AIPL1: variants seen among roughly 807,000 people sequenced by gnomAD.
The protein encoded by AIPL1 is aryl-hydrocarbon-interacting protein-like 1.
Under a neutral mutation model 32.9 loss-of-function variants are expected in AIPL1, and 23 were observed. That is an observed-to-expected ratio of 0.70 (90% confidence interval 0.50 to 0.99). The LOEUF (loss-of-function observed/expected upper bound fraction) is 0.99. AIPL1 is among the 50% of genes least tolerant of loss of function. AIPL1 has a pLI of 0.00. For synonymous variants in AIPL1, 210 were observed against 209.4 expected, an observed-to-expected ratio of 1.00 and a Z score of -0.02; for missense variants, 485 against 506.0, an observed-to-expected ratio of 0.96 and a Z score of 0.40.
At chr17:6,431,170 A>T (rs923499721) in intron 2 of AIPL1, among the ~76,000 whole-genome samples, 3 of 152,118 alleles carry the variant, frequency 2.0e-5, no homozygotes, top group Non-Finnish European at 4.4e-5. Flanking sequence ...TCTAGGCTGG[A>T]CATGGTGGCT....
chr17:6,426,010 T>A, intron 5 of AIPL1, 180 bp from the exon 6 acceptor site: 1 of 1,018,754 alleles, frequency 9.8e-7, no homozygotes, highest in East Asian at 2.6e-5. Flanking sequence ...ATAATAGCAG[T>A]ACCTCCTCCT....
At chr17:6,426,489 G>T in intron 5 of AIPL1, 126 bp downstream of exon 5, 2 of 1,518,532 alleles carry the variant, frequency 1.3e-6, no homozygotes, top group Non-Finnish European at 1.8e-6. Flanking sequence ...GGGAAACCCG[G>T]CTGGGTGGAG....
intron 2 of AIPL1, among the ~76,000 whole-genome samples, chr17:6,433,334 T>C (rs937589427): frequency 2.0e-5 from 3 of 152,168 alleles, no homozygotes; most frequent in Non-Finnish European, 2.9e-5. Context: ...AGATGGCTCA[T>C]GCCTATAATT....
intron 3 of AIPL1, 75 bp from the exon 4 acceptor site, chr17:6,427,132 A>T: frequency 6.6e-7 from 1 of 1,516,566 alleles, no homozygotes; most frequent in Non-Finnish European, 9.1e-7. Flanking sequence ...GAAAAACAGG[A>T]CCCTGTGGCA....
chr17:6,427,821 T>C (rs1281449024), intron 3 of AIPL1, among the ~76,000 whole-genome samples: 19 of 150,022 alleles, frequency 1.3e-4, no homozygotes, highest in Admixed American at 7.2e-4. Context: ...TTTTTTTTTT[T>C]TTCTTTTTTT....
intron 2 of AIPL1, among the ~76,000 whole-genome samples, chr17:6,429,627 C>A (rs1177561922): frequency 6.6e-6 from 1 of 152,198 alleles, no homozygotes; most frequent in Non-Finnish European, 1.5e-5. Flanking sequence ...GGCCCCAAAG[C>A]ACACTGCCCT....
chr17:6,426,422 G>T, intron 5 of AIPL1, 193 bp downstream of exon 5: 1 of 1,443,306 alleles, frequency 6.9e-7, no homozygotes, highest in Non-Finnish European at 9.1e-7. Context: ...TTAAAATAAA[G>T]GGCCGCCCCG....
In AIPL1 at chr17:6,425,644, C is replaced by A. The variant is rs150427474; in HGVS notation, c.971G>T (p.Arg324Leu). The A allele has an allele frequency of 5.5e-3, 8,892 of 1,612,140 alleles. 21 individuals carry two copies. Among genetic ancestry groups the A allele is most frequent in the Non-Finnish European group, 6.8e-3 (8,053 of 1,179,896 alleles). The change falls in exon 6 of 6, where the codon CGG becomes CTG. Residue 324 changes from arginine (R) to leucine (L), a missense_variant. By Grantham distance (102) the Arg-to-Leu change is moderately radical. Coordinates refer to ENST00000381129, the MANE Select transcript of AIPL1 (RefSeq NM_014336.5). ...EKQEEERLRC[R>L]NMLSQGATQP... ...CGTGGCACCCTGGCTCAGCATGTTC[C>A]GGCAGCGCAGCCGCTCCTCCTCCTG...
At position 6,433,611 on chromosome 17, in the gene AIPL1, TCACACACACA is replaced by T. The variant is rs541117064; in HGVS notation, c.276+298_276+307del. ...ATCTCTCTCTCTCTCTCTCTCTCTC[TCACACACACA>T]CACACACACACACACACACACACAC... On this transcript the variant is annotated intron_variant, in intron 2 of 5. Coordinates refer to ENST00000381129, the MANE Select transcript of AIPL1 (RefSeq NM_014336.5). Among the ~76,000 whole-genome samples, 961 of 106,278 alleles carry T rather than the reference TCACACACACA, an allele frequency of 9.0e-3. 10 individuals are homozygous for T. Among genetic ancestry groups the T allele is most frequent in the African/African-American group, 0.014 (386 of 26,908 alleles). 69.7% of individuals were successfully genotyped at this position (106,278 alleles called of 152,430 possible). A position where few individuals can be genotyped will look rare whatever the true frequency, so the allele number is the denominator to read the frequency against.
chr17:6,429,184 C>T (rs1004417773), intron 2 of AIPL1, among the ~76,000 whole-genome samples: 6 of 152,322 alleles, frequency 3.9e-5, no homozygotes, highest in African/African-American at 1.4e-4. Context: ...TGAAGGAGGG[C>T]TGGGAAGATC....
Position 6,425,225 on chromosome 17 carries a change from TTAAAACCATGGCACGG to T in AIPL1, c.*219_*234del, listed in dbSNP as rs1282812592. 1 of 453,088 alleles carries T rather than the reference TTAAAACCATGGCACGG, an allele frequency of 2.2e-6. No individual in the cohort carries two copies. Among genetic ancestry groups the T allele is most frequent in the African/African-American group, 2.0e-5 (1 of 50,320 alleles). 28.1% of individuals were successfully genotyped at this position (453,088 alleles called of 1,614,324 possible). ...CCAGAAGAATTAAAAACAGGGTCAA[TTAAAACCATGGCACGG>T]AAGGAATGAGAGGGGTAGAGGAGAA... On this transcript the variant is annotated 3_prime_UTR_variant, in exon 6 of 6. Coordinates refer to ENST00000381129, the MANE Select transcript of AIPL1 (RefSeq NM_014336.5).
At position 6,426,646 on chromosome 17, in the gene AIPL1, C is replaced by T. The variant is rs772008170; in HGVS notation, c.753G>A (p.Glu251=). The change falls in exon 5 of 6, where the codon GAG becomes GAA. Residue 251 remains glutamate, a synonymous_variant. Transcript: ENST00000381129. The part of the protein sequence containing the change: ...LKKEEYYEVL[E]HTSDILRHHP... Reference sequence around the variant, plus strand: ...GGTGCCGGAGAATATCACTGGTGTGCTCCAGCACCTCATAGTACTCCTCCT... The same window carrying T: ...GGTGCCGGAGAATATCACTGGTGTGTTCCAGCACCTCATAGTACTCCTCCT... 6 of 1,614,064 alleles carry T rather than the reference C, an allele frequency of 3.7e-6. No individual in the cohort carries two copies. The highest frequency in any genetic ancestry group is 5.1e-6 in the Non-Finnish European group (6 of 1,180,040).
chr17:6,427,100 G>C, intron 3 of AIPL1, 43 bp from the exon 4 acceptor site: 1 of 1,606,212 alleles, frequency 6.2e-7, no homozygotes, highest in Non-Finnish European at 8.5e-7. Context: ...GACCCCAGGG[G>C]CCTGCACCCC....
rs1298708083 is a variant in AIPL1 at position 6,426,641 on chromosome 17, G to C, written c.758C>G (p.Thr253Ser). The change falls in exon 5 of 6, where the codon ACC becomes AGC. Residue 253 changes from threonine (T) to serine (S), a missense_variant. Coordinates refer to ENST00000381129, the MANE Select transcript of AIPL1 (RefSeq NM_014336.5). ...TGGGTGGTGCCGGAGAATATCACTG[G>C]TGTGCTCCAGCACCTCATAGTACTC... ...KEEYYEVLEH[T>S]SDILRHHPGI... 1 of 1,614,138 alleles carries C rather than the reference G, an allele frequency of 6.2e-7. No homozygotes were observed. Among genetic ancestry groups the C allele is most frequent in the Non-Finnish European group, 8.5e-7 (1 of 1,180,024 alleles).
In AIPL1 at chr17:6,426,961, G is replaced by A. The variant is rs146153236; in HGVS notation, c.562C>T (p.Leu188Phe). ...VPVLHGEGNRLFKLGRYEEAS... is the reference protein window; with the variant it reads ...VPVLHGEGNRFFKLGRYEEAS... ...TCCTCGTAGCGGCCCAGCTTGAAGA[G>A]CCGATTTCCCTCTCCGTGGAGGACG... Residue 188 changes from leucine to phenylalanine, a missense_variant, in exon 4 of 6, where the codon CTC (leucine) becomes TTC (phenylalanine). Leu to Phe is a conservative substitution (Grantham distance 22, BLOSUM62 0). Transcript: ENST00000381129. 82 of 1,614,092 alleles carry A rather than the reference G, an allele frequency of 5.1e-5. No homozygotes were observed. Among genetic ancestry groups the A allele is most frequent in the Non-Finnish European group, 6.7e-5 (79 of 1,180,048 alleles).
chr17:6,433,453 TGTG>T (rs887190598), intron 2 of AIPL1, among the ~76,000 whole-genome samples: 2 of 151,860 alleles, frequency 1.3e-5, no homozygotes, highest in African/African-American at 4.8e-5. Context: ...AAAAATGAGG[TGTG>T]GTGGTGCACC....
In AIPL1 at chr17:6,428,465, C is replaced by T. The variant is rs142208422; in HGVS notation, c.318G>A (p.Gln106=). 564 of 1,614,050 alleles carry T rather than the reference C, an allele frequency of 3.5e-4. 2 individuals carry two copies. In the African/African-American group the frequency reaches 6.9e-3, roughly 20 times the overall value. The change falls in exon 3 of 6, where the codon CAG becomes CAA. Residue 106 remains glutamine (Q), a synonymous_variant. Transcript: ENST00000381129. ...CTGTGGGGTCCTTGCCCTGGGCCAT[C>T]TGCCTCAGGCTCCGGGATAGGATGG... ...VYPILSRSLR[Q]MAQGKDPTEW...
At position 6,425,515 on chromosome 17, in the gene AIPL1, G is replaced by A. The variant is rs1911827159; in HGVS notation, c.1100C>T (p.Pro367Leu). Residue 367 changes from proline to leucine, a missense_variant, in exon 6 of 6, where the codon CCT (proline) becomes CTT (leucine). Pro to Leu is a moderately conservative substitution (Grantham distance 98). Transcript: ENST00000381129. ...APSAELSAGP[P>L]AEPATEPPPS... ...GGGTGGCTCTGTGGCTGGCTCTGCA[G>A]GGGGCCCTGCGGACAGCTCTGCAGA... is the stretch of plus-strand genomic sequence containing the variant. 1.2e-6 allele frequency: 2 copies of A among 1,610,428 alleles called. No individual in the cohort carries two copies. Among genetic ancestry groups the A allele is most frequent in the Non-Finnish European group, 1.7e-6 (2 of 1,179,426 alleles).
intron 5 of AIPL1, 88 bp from the exon 6 acceptor site, chr17:6,425,918 A>T: frequency 4.7e-6 from 7 of 1,501,626 alleles, no homozygotes; most frequent in South Asian, 1.2e-5. Context: ...AGCCTCCAAG[A>T]CCCTCAGCCC....
Sources: allele counts gnomAD v4.1 joint callset (sites outside exome capture counted in the v4.1 genomes callset), GRCh38; gene constraint gnomAD v4.1.1; transcripts MANE v1.5; gene names NCBI Gene and HGNC (gene_info 2026-07-23, HGNC 2026-07-21).